DMTN: variants seen among roughly 807,000 people sequenced by gnomAD.
The protein encoded by DMTN is dematin actin binding protein.
DMTN carries 27 observed loss-of-function variants against 59.4 expected under a neutral mutation model. The ratio of observed to expected loss-of-function variants is 0.45; its 90% CI spans 0.33 to 0.63. DMTN has a LOEUF of 0.63. DMTN is among the 20% of genes least tolerant of loss of function. DMTN has a pLI of 0.02. For missense variants in DMTN, 451 were observed against 528.9 expected, an observed-to-expected ratio of 0.85 and a Z score of 1.45; for synonymous variants, 221 against 203.7, an observed-to-expected ratio of 1.08 and a Z score of -0.72.
At position 22,070,216 on chromosome 8, in the gene DMTN, C is replaced by T. The variant is rs926233015; in HGVS notation, c.486C>T (p.Leu162=). 8 of 1,607,754 alleles carry T rather than the reference C, an allele frequency of 5.0e-6. No homozygotes were observed. Among genetic ancestry groups the T allele is most frequent in the African/African-American group, 4.0e-5 (3 of 74,782 alleles). ...GAGGCAGCCCTCAGACCAAGCACCTCATCGAGGATCTCATCATCGAGTCAT... is the reference window on the plus strand; with the variant it reads ...GAGGCAGCCCTCAGACCAAGCACCTTATCGAGGATCTCATCATCGAGTCAT... The part of the protein sequence containing the change: ...SVGGSPQTKH[L]IEDLIIESSK... The change falls in exon 8 of 16, where the codon CTC becomes CTT. Residue 162 remains leucine (L), a synonymous_variant. Coordinates refer to ENST00000358242, the MANE Select transcript of DMTN (RefSeq NM_001387751.1).
Position 22,058,815 on chromosome 8 carries a change from G to A in DMTN, c.-172+1679G>A, listed in dbSNP as rs1215032248. On this transcript the variant is annotated intron_variant, in intron 1 of 15. Transcript: ENST00000358242. This position sits in a 1 kb window ranked among gnomAD's most constrained non-coding sequence, Gnocchi z 4.3. ...AGGAGGGAGTCCCCAGGCTCTGCCA[G>A]CCTTAGGACAGACTTGGAGTTCAGG... Among the ~76,000 whole-genome samples the A allele has an allele frequency of 6.6e-6, 1 of 152,234 alleles. No homozygotes were observed. The highest frequency in any genetic ancestry group is 6.5e-5 in the Admixed American group (1 of 15,294).
chr8:22,059,865 A>G (rs2130445319), intron 1 of DMTN, among the ~76,000 whole-genome samples: 1 of 152,288 alleles, frequency 6.6e-6, no homozygotes, highest in East Asian at 1.9e-4. Context: ...CACAGTCTGG[A>G]TCAGTTTCTG....
chr8:22,049,407 G>A (rs905001829), upstream of DMTN, among the ~76,000 whole-genome samples: 6 of 151,738 alleles, frequency 4.0e-5, no homozygotes, highest in African/African-American at 1.5e-4. Context: ...AGAGGGGCGG[G>A]GAGGAAGGGG....
upstream of DMTN, chr8:22,053,865 G>C (rs1801636535): frequency 6.6e-6 from 1 of 152,310 alleles, no homozygotes; most frequent in African/African-American, 2.4e-5. Flanking sequence ...TGGGGCCTGA[G>C]CCAACAGGCA....
chr8:22,079,303 A>ATATATATATATATATAT (rs67715172), intron 10 of DMTN, among the ~76,000 whole-genome samples: 19 of 52,212 alleles, frequency 3.6e-4, no homozygotes, highest in South Asian at 1.6e-3. Flanking sequence ...TATATATATT[A>ATATATATATATATATAT]GCTGGGTTTG....
intron 1 of DMTN, among the ~76,000 whole-genome samples, chr8:22,062,854 G>A (rs550638689): frequency 8.3e-5 from 12 of 144,492 alleles, no homozygotes; most frequent in Admixed American, 2.8e-4. Context: ...CATTTACTGT[G>A]TATCAGACCC....
intron 9 of DMTN, 80 bp from the exon 10 acceptor site, chr8:22,073,650 A>G (rs1817499720): frequency 2.5e-6 from 2 of 790,404 alleles, no homozygotes; most frequent in African/African-American, 5.6e-5. Flanking sequence ...AAAAAAAAAA[A>G]AAGAAAGAAA....
At chr8:22,078,356 C>T (rs1050708097) in intron 10 of DMTN, among the ~76,000 whole-genome samples, 2 of 149,304 alleles carry the variant, frequency 1.3e-5, no homozygotes, top group South Asian at 4.2e-4. Flanking sequence ...CAGAGTGAGA[C>T]TCTGTATCAA....
At chr8:22,067,799 G>C in intron 4 of DMTN, 117 bp downstream of exon 4, 1 of 1,271,900 alleles carries the variant, frequency 7.9e-7, no homozygotes, top group Non-Finnish European at 1.1e-6. Context: ...AAACAAGAGA[G>C]GGAACTGTGC....
chr8:22,077,153 T>C (rs1325848438), intron 10 of DMTN, among the ~76,000 whole-genome samples: 1 of 151,992 alleles, frequency 6.6e-6, no homozygotes, highest in Non-Finnish European at 1.5e-5. Context: ...ATAAAAGTAG[T>C]TGCTGTGCCC....
chr8:22,067,727 CA>C (rs1811947452), intron 4 of DMTN, 45 bp downstream of exon 4: 1 of 1,603,492 alleles, frequency 6.2e-7, no homozygotes, highest in African/African-American at 1.3e-5. Flanking sequence ...AGGCCCCCCC[CA>C]GCCACACTGG....
chr8:22,052,623 GT>G (rs2129813445), upstream of DMTN, among the ~76,000 whole-genome samples: 1 of 152,174 alleles, frequency 6.6e-6, no homozygotes, highest in South Asian at 2.1e-4. Flanking sequence ...GCAATTATTT[GT>G]TCTTTGGTGG....
At chr8:22,061,512 C>G (rs549284221) in intron 1 of DMTN, among the ~76,000 whole-genome samples, 1 of 152,238 alleles carries the variant, frequency 6.6e-6, no homozygotes, top group Non-Finnish European at 1.5e-5. Context: ...CCCTGGGCCA[C>G]TCACCTTTCA....
At chr8:22,052,445 C>A (rs1011856426), upstream of DMTN, among the ~76,000 whole-genome samples, 5 of 152,164 alleles carry the variant, frequency 3.3e-5, no homozygotes, top group African/African-American at 4.8e-5. Context: ...CTCCTTCCTT[C>A]TTTAGGCAGA....
rs779413964 is a variant in DMTN, at chr8:22,067,156, C to T, written c.90C>T (p.Ile30=). ...DSSVPGSPSS[I]VAKMDNQVLG... ...GTGTGCCTGGCTCTCCCTCCAGCAT[C>T]GTGGTGAGTACCCCTCTCGGCCACC... Residue 30 remains isoleucine (I), a synonymous_variant, in exon 3 of 16, where the codon ATC becomes ATT. Coordinates refer to ENST00000358242, the MANE Select transcript of DMTN (RefSeq NM_001387751.1). 7 of 1,609,754 alleles carry T rather than the reference C, an allele frequency of 4.3e-6. No individual in the cohort carries two copies. In the East Asian group the frequency reaches 1.1e-4, roughly 26 times the overall value.
rs770459275 is a variant in DMTN, at chr8:22,080,621, T to C, written c.953T>C (p.Leu318Pro). 2 of 1,606,306 alleles carry C rather than the reference T, an allele frequency of 1.2e-6. No homozygotes were observed. Among genetic ancestry groups the C allele is most frequent in the Non-Finnish European group, 1.7e-6 (2 of 1,176,296 alleles). ...PSGSETGSPG[L>P]QNGEGQRGRM... Reference sequence around the variant, plus strand: ...CCATGCCCCTTCTCTCCCGCAGGCCTGCAGGTGAGTGCCTCCTGGAGGGGA... The same window carrying C: ...CCATGCCCCTTCTCTCCCGCAGGCCCGCAGGTGAGTGCCTCCTGGAGGGGA... The change falls in exon 13 of 16, where the codon CTG becomes CCG. Residue 318 changes from leucine (L) to proline (P), a missense_variant. Leu to Pro is a moderately conservative substitution (Grantham distance 98, BLOSUM62 -3). Coordinates refer to ENST00000358242, the MANE Select transcript of DMTN (RefSeq NM_001387751.1).
chr8:22,075,719 A>G (rs552831075), intron 10 of DMTN, among the ~76,000 whole-genome samples: 1 of 151,992 alleles, frequency 6.6e-6, no homozygotes. Flanking sequence ...GGGTTTCGCC[A>G]TGTTGGCCAG....
At chr8:22,064,608 G>A (rs1001780355) in intron 1 of DMTN, among the ~76,000 whole-genome samples, 5 of 152,102 alleles carry the variant, frequency 3.3e-5, no homozygotes, top group South Asian at 4.1e-4. Flanking sequence ...ACAGGCGCCC[G>A]CCACCACGCC....
intron 1 of DMTN, among the ~76,000 whole-genome samples, chr8:22,057,552 A>G (rs1267802181): frequency 6.6e-6 from 1 of 152,116 alleles, no homozygotes; most frequent in African/African-American, 2.4e-5. Flanking sequence ...CAGTACATTT[A>G]GGGGCCTGAG....
Sources: gnomAD v4.1 joint callset for allele counts (sites outside exome capture counted in the v4.1 genomes callset) on GRCh38, gnomAD v4.1.1 for gene constraint, Gnocchi (gnomAD v3.1) non-coding constraint, MANE v1.5 for transcripts, NCBI Gene and HGNC (gene_info 2026-07-23, HGNC 2026-07-21) for gene names.